ASTN2: variants seen among roughly 807,000 people sequenced by gnomAD.
The protein encoded by ASTN2 is astrotactin-2.
A neutral mutation model predicts 139.8 loss-of-function variants in ASTN2; 54 were observed. The ratio of observed to expected loss-of-function variants is 0.39; its 90% CI spans 0.31 to 0.48. The LOEUF (loss-of-function observed/expected upper bound fraction) is 0.48, where lower values mean the gene tolerates loss of function less well. Among genes scored for constraint, ASTN2 ranks in the 20% least tolerant of loss-of-function variants. ASTN2 has a pLI of 0.95. For missense variants in ASTN2, 1,565 were observed against 1,725.1 expected (o/e 0.91, Z 1.64); for synonymous variants, 756 against 719.5 (o/e 1.05, Z -0.81).
At chr9:117,263,422 C>A (rs1209470856) in intron 2 of ASTN2, among the ~76,000 whole-genome samples, 4 of 152,102 alleles carry the variant, frequency 2.6e-5, no homozygotes, top group African/African-American at 9.7e-5. Flanking sequence ...CCTGCAAATT[C>A]TTTAAAAAAA....
At chr9:116,836,710 T>C (rs1179973728) in intron 11 of ASTN2, among the ~76,000 whole-genome samples, 1 of 152,106 alleles carries the variant, frequency 6.6e-6, no homozygotes, top group African/African-American at 2.4e-5. Flanking sequence ...CTGACCACCA[T>C]GTCTTTCCTT....
chr9:116,570,397 T>G (rs1048676980), intron 19 of ASTN2, among the ~76,000 whole-genome samples: 1 of 96,168 alleles, frequency 1.0e-5, no homozygotes, highest in Non-Finnish European at 2.0e-5. Flanking sequence ...TTTAGTCTCT[T>G]TTTTTTTTTG....
intron 4 of ASTN2, among the ~76,000 whole-genome samples, chr9:117,107,185 G>A: frequency 6.6e-6 from 1 of 151,992 alleles, no homozygotes; most frequent in Middle Eastern, 3.2e-3. Flanking sequence ...GAATTACTAT[G>A]TCAATGTACT....
rs186353693 is a variant in ASTN2 at position 116,502,475 on chromosome 9, T to C, written c.3356-14975A>G. 3.9e-4 allele frequency among the ~76,000 whole-genome samples: 59 copies of C among 150,692 alleles called. No individual in the cohort carries two copies. The East Asian group carries it at 0.01, about 26-fold the overall frequency. On this transcript the variant is annotated intron_variant, in intron 19 of 22. Transcript: ENST00000313400. The stretch of plus-strand genomic sequence containing the variant: ...AGAGAGAGACATAGATAAGAACACA[T>C]AGGGCCAAAGACAGAGAACCAGAAA...
intron 2 of ASTN2, among the ~76,000 whole-genome samples, chr9:117,284,905 C>T (rs1033490125): frequency 2.6e-5 from 4 of 152,210 alleles, no homozygotes; most frequent in African/African-American, 9.7e-5. Context: ...ACAGGTCTTA[C>T]AAGTTAGTTA....
chr9:116,884,572 T>A (rs760720962), intron 10 of ASTN2, among the ~76,000 whole-genome samples: 8 of 151,536 alleles, frequency 5.3e-5, no homozygotes, highest in Non-Finnish European at 1.0e-4. Context: ...AATCTCTTGA[T>A]TCCTCTGGGG....
intron 17 of ASTN2, among the ~76,000 whole-genome samples, chr9:116,631,449 T>C (rs1747512542): frequency 6.6e-6 from 1 of 152,188 alleles, no homozygotes; most frequent in Admixed American, 6.5e-5. Flanking sequence ...TTATGTTATA[T>C]GAAATAAGCC....
intron 10 of ASTN2, among the ~76,000 whole-genome samples, chr9:116,888,839 T>C (rs1026737516): frequency 2.0e-5 from 3 of 152,314 alleles, no homozygotes; most frequent in South Asian, 2.1e-4. Context: ...CTATTTATCC[T>C]GATGCTCTCC....
At chr9:116,569,639 T>C (rs1351515992) in intron 19 of ASTN2, among the ~76,000 whole-genome samples, 4 of 152,228 alleles carry the variant, frequency 2.6e-5, no homozygotes, top group Non-Finnish European at 4.4e-5. Flanking sequence ...TGTGTTTTGC[T>C]GCCTTCCTTC....
intron 10 of ASTN2, among the ~76,000 whole-genome samples, chr9:116,967,540 C>T (rs77616067): frequency 0.078 from 11,947 of 152,208 alleles, 666 homozygotes; most frequent in Non-Finnish European, 0.1. Flanking sequence ...ATCAACATCC[C>T]TACTGAAAAG....
At chr9:116,691,964 A>G (rs1447321876) in intron 16 of ASTN2, among the ~76,000 whole-genome samples, 1 of 152,214 alleles carries the variant, frequency 6.6e-6, no homozygotes, top group Non-Finnish European at 1.5e-5. Flanking sequence ...AAGGAAATGC[A>G]ATATTTTACA....
At chr9:116,757,635 T>C (rs1269061979) in intron 13 of ASTN2, among the ~76,000 whole-genome samples, 4 of 152,152 alleles carry the variant, frequency 2.6e-5, no homozygotes, top group African/African-American at 4.8e-5. Context: ...CCTTGCATGG[T>C]AGAATGTAGG....
At chr9:117,356,188 G>A (rs921287507) in intron 1 of ASTN2, among the ~76,000 whole-genome samples, 3 of 152,204 alleles carry the variant, frequency 2.0e-5, no homozygotes, top group Non-Finnish European at 4.4e-5. Flanking sequence ...AAGTATGTCT[G>A]ATTCTCTATT....
intron 19 of ASTN2, among the ~76,000 whole-genome samples, chr9:116,490,844 G>A (rs928492487): frequency 2.0e-5 from 3 of 152,168 alleles, no homozygotes; most frequent in Non-Finnish European, 2.9e-5. Context: ...ATGAGATTTG[G>A]GTGAGGGTAC....
At chr9:116,796,730 T>G (rs1017268752) in intron 13 of ASTN2, among the ~76,000 whole-genome samples, 4 of 152,204 alleles carry the variant, frequency 2.6e-5, no homozygotes, top group African/African-American at 4.8e-5. Flanking sequence ...GATAAATAAG[T>G]TCTGGAGATC....
chr9:116,596,641 G>A lies in ASTN2; in HGVS notation c.3355+21683C>T, dbSNP rs1588053276. On this transcript the variant is annotated intron_variant, in intron 19 of 22. Transcript: ENST00000313400. ...AATAAAGCTGTCTTTTAAAGGGCAGGCAAATCAAAAGTAAATGAGCAAATA... is the reference window on the plus strand; with the variant it reads ...AATAAAGCTGTCTTTTAAAGGGCAGACAAATCAAAAGTAAATGAGCAAATA... Among the ~76,000 whole-genome samples, 3 of 152,142 alleles carry A rather than the reference G, an allele frequency of 2.0e-5. No homozygotes were observed. In the Middle Eastern group the frequency reaches 0.01, roughly 517 times the overall value.
At chr9:116,523,393 C>T (rs1280208326) in intron 19 of ASTN2, among the ~76,000 whole-genome samples, 2 of 152,206 alleles carry the variant, frequency 1.3e-5, no homozygotes, top group South Asian at 2.1e-4. Flanking sequence ...CTGCCTATTG[C>T]CCTAATCCTC....
chr9:116,598,125 T>C (rs926393457), intron 19 of ASTN2, among the ~76,000 whole-genome samples: 2 of 151,892 alleles, frequency 1.3e-5, no homozygotes, highest in South Asian at 4.2e-4. Context: ...CCTGGGGAGG[T>C]TGGGGTCATG....
intron 19 of ASTN2, among the ~76,000 whole-genome samples, chr9:116,552,726 A>G (rs931015560): frequency 2.6e-5 from 4 of 152,204 alleles, no homozygotes; most frequent in African/African-American, 7.2e-5. Flanking sequence ...AGCCCAACTC[A>G]GGAGTCAAAG....
Sources: allele counts gnomAD v4.1 joint callset (sites outside exome capture counted in the v4.1 genomes callset), GRCh38; gene constraint gnomAD v4.1.1; transcripts MANE v1.5; gene names NCBI Gene and HGNC (gene_info 2026-07-23, HGNC 2026-07-21).